The following PCSK5 variants were observed in gnomAD, a reference collection of about 807,000 sequenced individuals.
The protein encoded by PCSK5 is prohormone convertase 5.
In PCSK5, 129 loss-of-function variants were observed where a neutral mutation model predicts 233.2. That is an observed-to-expected ratio of 0.55 (90% CI 0.48 to 0.64). The LOEUF (loss-of-function observed/expected upper bound fraction) is 0.64, where lower values mean the gene tolerates loss of function less well. Ranked by LOEUF, PCSK5 falls within the 30% of genes least tolerant of loss-of-function variation. The probability of loss-of-function intolerance (pLI) is 0.00; values close to 1 mark genes in which losing one functional copy is unlikely to be tolerated. For missense variants in PCSK5, 2,076 were observed against 2,430.1 expected, an observed-to-expected ratio of 0.85 and a Z score of 3.06; for synonymous variants, 825 against 879.2, an observed-to-expected ratio of 0.94 and a Z score of 1.09.
chr9:76,014,494 C>T (rs982248705), intron 3 of PCSK5, among the ~76,000 whole-genome samples: 1 of 152,134 alleles, frequency 6.6e-6, no homozygotes, highest in Non-Finnish European at 1.5e-5. Context: ...TGCTGCATGA[C>T]CTCAAAAGGG....
intron 2 of PCSK5, among the ~76,000 whole-genome samples, chr9:75,934,699 A>G (rs892291789): frequency 6.6e-6 from 1 of 151,802 alleles, no homozygotes; most frequent in Admixed American, 6.6e-5. Context: ...CTCCTGCCTC[A>G]GCCTCCTGAG....
At chr9:75,925,086 T>C (rs1470226347) in intron 1 of PCSK5, among the ~76,000 whole-genome samples, 1 of 152,210 alleles carries the variant, frequency 6.6e-6, no homozygotes, top group African/African-American at 2.4e-5. Context: ...ATTAATTCAA[T>C]AGCCTTGTTA....
intron 4 of PCSK5, among the ~76,000 whole-genome samples, chr9:76,025,511 T>A (rs1290023510): frequency 6.6e-6 from 1 of 152,108 alleles, no homozygotes; most frequent in Non-Finnish European, 1.5e-5. Context: ...TATTCCAGGC[T>A]AGAAGGAGGA....
Position 76,054,887 on chromosome 9 carries a change from A to C in PCSK5, c.633-13068A>C, listed in dbSNP as rs377699410. On this transcript the variant is annotated intron_variant, in intron 5 of 37. Transcript: ENST00000674117. Reference sequence around the variant, plus strand: ...AGACAATACTTTAACTCACCATAAGAAATATTTTCTTGTTTTTAAAAGCTT... The same window carrying C: ...AGACAATACTTTAACTCACCATAAGCAATATTTTCTTGTTTTTAAAAGCTT... 2.2e-3 allele frequency among the ~76,000 whole-genome samples: 333 copies of C among 152,232 alleles called. 16 individuals are homozygous for C. The South Asian group carries it at 0.064, about 29-fold the overall frequency.
intron 25 of PCSK5, among the ~76,000 whole-genome samples, chr9:76,293,887 G>T (rs940629098): frequency 6.6e-6 from 1 of 152,196 alleles, no homozygotes; most frequent in Non-Finnish European, 1.5e-5. Flanking sequence ...TGAATACAGC[G>T]AGTGAAATGC....
At position 75,946,674 on chromosome 9, in the gene PCSK5, T is replaced by C. The variant is rs1317779707; in HGVS notation, c.297+14191T>C. Among the ~76,000 whole-genome samples, 13 of 152,286 alleles carry C rather than the reference T, an allele frequency of 8.5e-5. No individual in the cohort carries two copies. In the East Asian group the frequency reaches 2.3e-3, roughly 27 times the overall value. ...CGCAATCTCCGCTCACTTCAACCTC[T>C]GCCTCTCGGGTTCAAGTGATTCTCC... On this transcript the variant is annotated intron_variant, in intron 2 of 37. Transcript: ENST00000674117.
chr9:76,015,335 C>A (rs1479433676), intron 3 of PCSK5, among the ~76,000 whole-genome samples: 1 of 152,202 alleles, frequency 6.6e-6, no homozygotes, highest in African/African-American at 2.4e-5. Context: ...AAACGCTAAT[C>A]CCTTCTGGAA....
rs75138482 is a variant in PCSK5 at position 75,996,984 on chromosome 9, A to G, written c.411+10739A>G. ...TATCAAACAGCTGCTCTGATGCCTC[A>G]TTGCTCATTTACTTTTCACTCAGTA... On this transcript the variant is annotated intron_variant, in intron 3 of 37. Coordinates refer to ENST00000674117, the MANE Select transcript of PCSK5 (RefSeq NM_001372043.1). Among the ~76,000 whole-genome samples the G allele has an allele frequency of 7.6e-3, 1,164 of 152,222 alleles. 9 individuals carry two copies. The highest frequency in any genetic ancestry group is 0.012 in the Non-Finnish European group (808 of 68,006).
chr9:76,138,608 A>G (rs1823075935), intron 10 of PCSK5, among the ~76,000 whole-genome samples: 3 of 151,922 alleles, frequency 2.0e-5, no homozygotes, highest in Admixed American at 2.0e-4. Flanking sequence ...CCGAGTCCTT[A>G]TCTTTGGTTT....
intron 22 of PCSK5, among the ~76,000 whole-genome samples, chr9:76,236,436 C>T (rs931391484): frequency 6.6e-6 from 1 of 152,176 alleles, no homozygotes; most frequent in Non-Finnish European, 1.5e-5. Context: ...ACTCTTGTCG[C>T]CTGTTTTCCC....
At chr9:76,188,297 A>AAGT (rs34613073) in intron 17 of PCSK5, among the ~76,000 whole-genome samples, 16,306 of 152,188 alleles carry the variant, frequency 0.11, 1,109 homozygotes, top group Non-Finnish European at 0.14. Flanking sequence ...ATGTTGCGCA[A>AAGT]AGTAGGAGTG....
At chr9:75,982,831 G>T (rs1380197691) in intron 2 of PCSK5, among the ~76,000 whole-genome samples, 1 of 149,258 alleles carries the variant, frequency 6.7e-6, no homozygotes, top group Non-Finnish European at 1.5e-5. Context: ...CATCTTTTTG[G>T]TTTGTATTAT....
Position 76,189,220 on chromosome 9 carries a change from A to G in PCSK5, c.2507A>G (p.Lys836Arg). The G allele has an allele frequency of 6.2e-7, 1 of 1,612,512 alleles. No individual in the cohort carries two copies. Among genetic ancestry groups the G allele is most frequent in the Non-Finnish European group, 8.5e-7 (1 of 1,179,678 alleles). Residue 836 changes from lysine (K) to arginine (R), a missense_variant, in exon 19 of 38, where the codon AAA (lysine) becomes AGA (arginine). Physicochemically the swap from Lys to Arg is conservative, Grantham distance 26. Coordinates refer to ENST00000674117, the MANE Select transcript of PCSK5 (RefSeq NM_001372043.1). ...TCAGAGAATGGATACAAATCCTGCA[A>G]AAAGTAAGTGGATCTGCCCCCTGGG... is the stretch of plus-strand genomic sequence containing the variant. Reference protein sequence around the residue: ...HSSENGYKSCKKCDISCLTCN... With the variant: ...HSSENGYKSCRKCDISCLTCN...
intron 3 of PCSK5, among the ~76,000 whole-genome samples, chr9:75,994,673 C>T (rs377561271): frequency 1.8e-4 from 27 of 151,920 alleles, no homozygotes; most frequent in African/African-American, 6.3e-4. Context: ...CCACCCGCCT[C>T]GGCCTCCCAA....
intron 5 of PCSK5, among the ~76,000 whole-genome samples, chr9:76,028,092 C>A (rs888050448): frequency 6.6e-6 from 1 of 152,176 alleles, no homozygotes; most frequent in African/African-American, 2.4e-5. Context: ...TAGAAACATG[C>A]TGTTGGTTGA....
chr9:76,221,490 A>G (rs1172192669), intron 20 of PCSK5, among the ~76,000 whole-genome samples: 1 of 152,200 alleles, frequency 6.6e-6, no homozygotes, highest in Non-Finnish European at 1.5e-5. Flanking sequence ...AATCTCCCTG[A>G]GCCTCAGTTT....
At chr9:75,990,470 A>G (rs567309573) in intron 3 of PCSK5, among the ~76,000 whole-genome samples, 3 of 152,242 alleles carry the variant, frequency 2.0e-5, no homozygotes, top group Non-Finnish European at 2.9e-5. Context: ...TGATAGCTGT[A>G]TAATTACTGC....
chr9:75,953,992 A>G (rs1039957389), intron 2 of PCSK5, among the ~76,000 whole-genome samples: 18 of 152,324 alleles, frequency 1.2e-4, no homozygotes, highest in Middle Eastern at 3.4e-3. Flanking sequence ...AAGGTCTTAT[A>G]GTAACCTTTG....
chr9:75,909,433 C>T (rs974250606), intron 1 of PCSK5, among the ~76,000 whole-genome samples: 34 of 145,668 alleles, frequency 2.3e-4, no homozygotes, highest in African/African-American at 8.1e-4. Flanking sequence ...CGGTAGCTCA[C>T]GCCTGTAATC....
Sources: gnomAD v4.1 joint callset for allele counts (sites outside exome capture counted in the v4.1 genomes callset) on GRCh38, gnomAD v4.1.1 for gene constraint, MANE v1.5 for transcripts, NCBI Gene and HGNC (gene_info 2026-07-23, HGNC 2026-07-21) for gene names.